Variants in FUT8 observed in about 807,000 individuals in gnomAD.
FUT8 encodes the protein fucosyltransferase 8, also known as alpha-(1,6)-fucosyltransferase.
Under a neutral mutation model 71.3 loss-of-function variants are expected in FUT8, and 29 were observed. That is an observed-to-expected ratio of 0.41 (90% CI 0.30 to 0.55). The LOEUF is 0.55. Among genes scored for constraint, FUT8 ranks in the 20% least tolerant of loss-of-function variants. FUT8 has a pLI of 0.34. For synonymous variants in FUT8, 254 were observed against 239.3 expected, an observed-to-expected ratio of 1.06 and a Z score of -0.57; for missense variants, 544 against 702.1, an observed-to-expected ratio of 0.77 and a Z score of 2.55.
At chr14:65,674,520 TTCTG>T (rs1305040258) in intron 7 of FUT8, among the ~76,000 whole-genome samples, 5 of 152,200 alleles carry the variant, frequency 3.3e-5, no homozygotes, top group Admixed American at 6.5e-5. Flanking sequence ...ATATGTAGTT[TTCTG>T]TCTAAGTTAA....
Position 65,629,829 on chromosome 14 carries a change from T to TACAC in FUT8, c.597+249_597+252dup, listed in dbSNP as rs3079115. Among the ~76,000 whole-genome samples, 54,051 of 147,906 alleles carry TACAC rather than the reference T, an allele frequency of 0.37. 10,048 individuals carry two copies. Among genetic ancestry groups the TACAC allele is most frequent in the East Asian group, 0.44 (2,212 of 5,066 alleles). Reference sequence around the variant, plus strand: ...TAAAGGGAGCTACTTCTTACACACGTACACACACACACACACACACACACA... The same window carrying TACAC: ...TAAAGGGAGCTACTTCTTACACACGTACACACACACACACACACACACACACACA... On this transcript the variant is annotated intron_variant, in intron 6 of 10. Coordinates refer to ENST00000673929, the MANE Select transcript of FUT8 (RefSeq NM_001371533.1).
At chr14:65,617,495 A>G (rs571461927) in intron 5 of FUT8, among the ~76,000 whole-genome samples, 1 of 152,340 alleles carries the variant, frequency 6.6e-6, no homozygotes, top group South Asian at 2.1e-4. Context: ...TCTAGGCACG[A>G]AGCATCTCTT....
intron 5 of FUT8, among the ~76,000 whole-genome samples, chr14:65,619,000 T>C: frequency 6.6e-6 from 1 of 152,176 alleles, no homozygotes; most frequent in East Asian, 1.9e-4. Flanking sequence ...ACTTTGTACT[T>C]GCGATGGCAT....
At chr14:65,410,877 G>C (rs1430996076), upstream of FUT8, 1 of 151,724 alleles carries the variant, frequency 6.6e-6, no homozygotes, top group Non-Finnish European at 1.5e-5. Flanking sequence ...GAACTCTTGG[G>C]CTTAAGTGAT....
At chr14:65,715,060 A>T (rs539829839) in intron 7 of FUT8, among the ~76,000 whole-genome samples, 1 of 152,236 alleles carries the variant, frequency 6.6e-6, no homozygotes, top group South Asian at 2.1e-4. Context: ...CATTTTGGAC[A>T]CCCTTTATTT....
intron 8 of FUT8, among the ~76,000 whole-genome samples, chr14:65,723,797 A>C (rs1895547365): frequency 6.6e-6 from 1 of 152,178 alleles, no homozygotes. Flanking sequence ...AAAAATCTTA[A>C]GTTGTATTCA....
intron 2 of FUT8, among the ~76,000 whole-genome samples, chr14:65,463,920 G>A (rs556036494): frequency 1.3e-5 from 2 of 152,308 alleles, no homozygotes; most frequent in South Asian, 4.1e-4. Flanking sequence ...CACTTTCCAT[G>A]TTGTGTTTTG....
At chr14:65,622,768 T>C (rs917704596) in intron 5 of FUT8, among the ~76,000 whole-genome samples, 3 of 152,200 alleles carry the variant, frequency 2.0e-5, no homozygotes, top group African/African-American at 7.2e-5. Context: ...ACTCAAGTAA[T>C]TTTTCTTGCC....
chr14:65,367,420 A>G, the FUT8 span, among the ~76,000 whole-genome samples: 1 of 152,160 alleles, frequency 6.6e-6, no homozygotes, highest in Admixed American at 6.6e-5. Context: ...GAAAATCTAG[A>G]GGGATCCTCC....
intron 2 of FUT8, among the ~76,000 whole-genome samples, chr14:65,506,505 G>A (rs1050949890): frequency 6.6e-6 from 1 of 152,120 alleles, no homozygotes; most frequent in Non-Finnish European, 1.5e-5. Flanking sequence ...TCCTTAGGAA[G>A]AACTATAAAA....
At chr14:65,495,328 A>G (rs944065798) in intron 2 of FUT8, among the ~76,000 whole-genome samples, 3 of 152,178 alleles carry the variant, frequency 2.0e-5, no homozygotes, top group African/African-American at 7.2e-5. Context: ...TATTAAATGA[A>G]CAGGTCTCAA....
Position 65,473,759 on chromosome 14 carries a change from C to G in FUT8, c.-228+18041C>G, listed in dbSNP as rs139202244. 2.9e-3 allele frequency among the ~76,000 whole-genome samples: 434 copies of G among 152,266 alleles called. 3 individuals carry two copies. The highest frequency in any genetic ancestry group is 9.9e-3 in the African/African-American group (413 of 41,554). Reference sequence around the variant, plus strand: ...TTCTCTGCATTCTTCTGACTTCTCCCTAAACTAATGTTTAGAACTGAATTG... The same window carrying G: ...TTCTCTGCATTCTTCTGACTTCTCCGTAAACTAATGTTTAGAACTGAATTG... On this transcript the variant is annotated intron_variant, in intron 2 of 10. Transcript: ENST00000673929.
At chr14:65,622,653 A>G (rs1221407565) in intron 5 of FUT8, among the ~76,000 whole-genome samples, 2 of 152,174 alleles carry the variant, frequency 1.3e-5, no homozygotes, top group African/African-American at 4.8e-5. Flanking sequence ...AAGGGAGGCA[A>G]TAAGGAGCTT....
intron 2 of FUT8, among the ~76,000 whole-genome samples, chr14:65,464,384 C>G (rs551476133): frequency 2.0e-5 from 3 of 150,414 alleles, no homozygotes; most frequent in Non-Finnish European, 4.4e-5. Context: ...GCTAGGATGT[C>G]CAGTATGATG....
At chr14:65,680,295 CTCTTA>C (rs1166486944) in intron 7 of FUT8, among the ~76,000 whole-genome samples, 2 of 152,206 alleles carry the variant, frequency 1.3e-5, no homozygotes, top group Non-Finnish European at 2.9e-5. Flanking sequence ...TAAAGATATT[CTCTTA>C]TGTTTTCTTC....
At chr14:65,633,647 T>C (rs1890346820) in intron 6 of FUT8, among the ~76,000 whole-genome samples, 1 of 148,342 alleles carries the variant, frequency 6.7e-6, no homozygotes, top group African/African-American at 2.5e-5. Context: ...GTCTGGGATG[T>C]GAGGAGCGCC....
chr14:65,682,863 G>A (rs1181822411), intron 7 of FUT8, among the ~76,000 whole-genome samples: 3 of 152,158 alleles, frequency 2.0e-5, no homozygotes, highest in African/African-American at 7.2e-5. Flanking sequence ...AAATCTGATA[G>A]AGGGTGCTTC....
At chr14:65,731,023 T>G (rs925629712) in intron 9 of FUT8, among the ~76,000 whole-genome samples, 1 of 152,230 alleles carries the variant, frequency 6.6e-6, no homozygotes, top group Non-Finnish European at 1.5e-5. Context: ...TTGTTAAAAG[T>G]TTTTTGTAAA....
In FUT8 at chr14:65,660,960, C is replaced by T. The variant is rs74058548; in HGVS notation, c.598-8283C>T. ...TATTAATGAATTCGTTCTTCATTAC[C>T]AGCACAAAGCTAGATATTGCAAATC... On this transcript the variant is annotated intron_variant, in intron 6 of 10. Transcript: ENST00000673929. The surrounding 1 kb of genome is among the most constrained non-coding windows in gnomAD (Gnocchi z 4.1). Among the ~76,000 whole-genome samples, 1,186 of 152,206 alleles carry T rather than the reference C, an allele frequency of 7.8e-3. 9 individuals carry two copies. The highest frequency in any genetic ancestry group is 0.024 in the African/African-American group (984 of 41,528).
Sources: gnomAD v4.1 joint callset for allele counts (sites outside exome capture counted in the v4.1 genomes callset) on GRCh38, gnomAD v4.1.1 for gene constraint, Gnocchi (gnomAD v3.1) non-coding constraint, MANE v1.5 for transcripts, NCBI Gene and HGNC (gene_info 2026-07-23, HGNC 2026-07-21) for gene names.